UBE2U: variants seen among roughly 807,000 people sequenced by gnomAD.
UBE2U encodes ubiquitin-conjugating enzyme E2 U.
In UBE2U, 39 loss-of-function variants were observed where a neutral mutation model predicts 41.2. The ratio of observed to expected loss-of-function variants is 0.95; its 90% CI spans 0.73 to 1.24. UBE2U has a LOEUF of 1.24. Among genes scored for constraint, UBE2U ranks in the 50% most tolerant of loss-of-function variants. The probability of loss-of-function intolerance (pLI) is 0.00; values close to 1 mark genes in which losing one functional copy is unlikely to be tolerated. For missense variants in UBE2U, 336 were observed against 363.1 expected, an observed-to-expected ratio of 0.93 and a Z score of 0.61; for synonymous variants, 107 against 117.8, an observed-to-expected ratio of 0.91 and a Z score of 0.60.
chr1:64,220,423 T>C (rs886673540), intron 5 of UBE2U, among the ~76,000 whole-genome samples: 2 of 152,230 alleles, frequency 1.3e-5, no homozygotes, highest in African/African-American at 4.8e-5. Context: ...TGAGTCTCTC[T>C]GGCCCAGTTT....
chr1:64,256,233 T>C (rs906165409), intron 8 of UBE2U, among the ~76,000 whole-genome samples: 3 of 152,170 alleles, frequency 2.0e-5, no homozygotes, highest in Middle Eastern at 3.2e-3. Context: ...CCCATTAAAC[T>C]ACCATTGACA....
intron 5 of UBE2U, among the ~76,000 whole-genome samples, chr1:64,219,174 C>G (rs910027985): frequency 1.3e-5 from 2 of 152,186 alleles, no homozygotes; most frequent in Admixed American, 1.3e-4. Context: ...ACGTTACTGT[C>G]ATATGCTCAT....
chr1:64,232,512 AAG>A (rs1461131481), intron 6 of UBE2U, 47 bp from the exon 7 acceptor site: 2 of 1,444,830 alleles, frequency 1.4e-6, no homozygotes, highest in Admixed American at 1.8e-5. Context: ...TAATTTTAAA[AAG>A]AAAATTTACA....
At chr1:64,250,166 C>G (rs915938709) in intron 8 of UBE2U, among the ~76,000 whole-genome samples, 2 of 152,078 alleles carry the variant, frequency 1.3e-5, no homozygotes, top group Non-Finnish European at 2.9e-5. Flanking sequence ...ATTTTATAAC[C>G]AGTGAAAAGC....
chr1:64,238,455 A>G (rs1056917827), intron 7 of UBE2U, among the ~76,000 whole-genome samples: 1 of 151,898 alleles, frequency 6.6e-6, no homozygotes, highest in Admixed American at 6.6e-5. Flanking sequence ...GTTAATTATT[A>G]TAATCATCTA....
Position 64,210,745 on chromosome 1 carries a change from A to T in UBE2U, c.245A>T (p.Asp82Val), listed in dbSNP as rs1221308613. 3.9e-6 allele frequency: 6 copies of T among 1,549,840 alleles called. No homozygotes were observed. The highest frequency in any genetic ancestry group is 1.4e-5 in the African/African-American group (1 of 72,430). The change falls in exon 4 of 10, where the codon GAC becomes GTC. Residue 82 changes from aspartate to valine, a missense_variant. Physicochemically the swap from Asp to Val is radical, Grantham distance 152. Transcript: ENST00000371077. ...TTAATGTATTATTTTAATACAGTAGACCCACACACTGGTCAGCCCTGTATA... is the reference window on the plus strand; with the variant it reads ...TTAATGTATTATTTTAATACAGTAGTCCCACACACTGGTCAGCCCTGTATA... ...FITIPFHPNVDPHTGQPCIDF... is the reference protein window; with the variant it reads ...FITIPFHPNVVPHTGQPCIDF...
chr1:64,210,924 C>A, intron 4 of UBE2U, 85 bp downstream of exon 4: 1 of 861,724 alleles, frequency 1.2e-6, no homozygotes, highest in South Asian at 3.3e-5. Context: ...ATATACAATG[C>A]ATATTTAAGT....
At chr1:64,206,965 G>A in intron 3 of UBE2U, 109 bp downstream of exon 3, 1 of 711,530 alleles carries the variant, frequency 1.4e-6, no homozygotes, top group Non-Finnish European at 2.3e-6. Context: ...CTAAAAGTAA[G>A]AACTCTCATT....
Position 64,267,050 on chromosome 1 carries a change from G to A in UBE2U, c.796G>A (p.Ala266Thr), listed in dbSNP as rs17126258. 0.015 allele frequency: 23,572 copies of A among 1,549,030 alleles called. 3,087 individuals carry two copies. In the African/African-American group the frequency reaches 0.28, roughly 19 times the overall value. Residue 266 changes from alanine (A) to threonine (T), a missense_variant, in exon 10 of 10, where the codon GCA (alanine) becomes ACA (threonine). Physicochemically the swap from Ala to Thr is moderately conservative, Grantham distance 58. Transcript: ENST00000371077. ...LNEIFLESPT[A>T]INSITDIYET... ...TGAAATTTTTCTTGAGTCACCAACT[G>A]CAATAAATAGCATCACAGACATTTA...
At chr1:64,256,023 T>C (rs1018920549) in intron 8 of UBE2U, among the ~76,000 whole-genome samples, 2 of 151,972 alleles carry the variant, frequency 1.3e-5, no homozygotes, top group Non-Finnish European at 2.9e-5. Flanking sequence ...CCATTCACAA[T>C]TGCTACAAAA....
At chr1:64,248,924 A>C (rs952566372) in intron 8 of UBE2U, among the ~76,000 whole-genome samples, 4 of 152,184 alleles carry the variant, frequency 2.6e-5, no homozygotes, top group Non-Finnish European at 5.9e-5. Flanking sequence ...AATTTAGAAG[A>C]GCTGTGCTTT....
intron 8 of UBE2U, among the ~76,000 whole-genome samples, chr1:64,256,757 A>G (rs753374228): frequency 1.3e-5 from 2 of 152,184 alleles, no homozygotes; most frequent in Admixed American, 6.5e-5. Flanking sequence ...ACAAAAACAA[A>G]AATTGACAAA....
chr1:64,214,756 C>T (rs1160851720), intron 4 of UBE2U, 59 bp from the exon 5 acceptor site: 15 of 1,326,004 alleles, frequency 1.1e-5, no homozygotes, highest in African/African-American at 1.4e-5. Context: ...ATTGGTTTGT[C>T]GTTTTGCTCT....
At chr1:64,210,671 A>G in intron 3 of UBE2U, 71 bp from the exon 4 acceptor site, 1 of 1,052,906 alleles carries the variant, frequency 9.5e-7, no homozygotes, top group Non-Finnish European at 1.3e-6. Flanking sequence ...CTGGCTTATC[A>G]TTTTGATGTT....
intron 6 of UBE2U, among the ~76,000 whole-genome samples, chr1:64,227,549 C>G (rs996786519): frequency 1.3e-5 from 2 of 152,126 alleles, no homozygotes; most frequent in African/African-American, 4.8e-5. Flanking sequence ...TGCCTGTAAT[C>G]CCACCACTTT....
chr1:64,267,091 G>A lies in UBE2U; in HGVS notation c.837G>A (p.Glu279=), dbSNP rs1458368318. 6.4e-7 allele frequency: 1 copy of A among 1,550,446 alleles called. No homozygotes were observed. Among genetic ancestry groups the A allele is most frequent in the East Asian group, 2.4e-5 (1 of 40,900 alleles). Residue 279 remains glutamate (E), a synonymous_variant, in exon 10 of 10, where the codon GAG becomes GAA. Coordinates refer to ENST00000371077, the MANE Select transcript of UBE2U (RefSeq NM_001366232.2). ...SITDIYETEE[E]GWKSDTSLYE... ...CAGACATTTATGAAACAGAAGAGGA[G>A]GGGTGGAAGAGTGACACTTCATTAT... is the stretch of plus-strand genomic sequence containing the variant.
intron 2 of UBE2U, 106 bp downstream of exon 2, chr1:64,205,826 ATTC>A (rs1253891235): frequency 6.5e-6 from 5 of 771,904 alleles, no homozygotes; most frequent in South Asian, 5.8e-5. Flanking sequence ...ATTTCCTGAA[ATTC>A]TTCTTCATAT....
chr1:64,238,013 T>G (rs976676455), intron 7 of UBE2U, among the ~76,000 whole-genome samples: 6 of 152,236 alleles, frequency 3.9e-5, no homozygotes, highest in Admixed American at 3.9e-4. Context: ...AGAGTCCCAA[T>G]GAGAAGACAT....
chr1:64,244,032 A>G (rs929298210), intron 8 of UBE2U: 7 of 813,216 alleles, frequency 8.6e-6, no homozygotes, highest in African/African-American at 8.5e-5. Context: ...AATATATGTA[A>G]AATGCTTCAA....
Sources: gnomAD v4.1 joint callset for allele counts (sites outside exome capture counted in the v4.1 genomes callset) on GRCh38, gnomAD v4.1.1 for gene constraint, MANE v1.5 for transcripts, NCBI Gene and HGNC (gene_info 2026-07-23, HGNC 2026-07-21) for gene names.